The following PNISR variants were observed in gnomAD, a reference collection of about 807,000 sequenced individuals.
The protein encoded by PNISR is arginine/serine-rich protein PNISR.
A neutral mutation model predicts 93.4 loss-of-function variants in PNISR; 20 were observed. That is an observed-to-expected ratio of 0.21 (90% CI 0.15 to 0.31). PNISR has a LOEUF of 0.31. Ranked by LOEUF, PNISR falls within the 10% of genes least tolerant of loss-of-function variation. PNISR has a pLI of 1.00. For missense variants in PNISR, 893 were observed against 985.4 expected (o/e 0.91, Z 1.25); for synonymous variants, 305 against 306.5 (o/e 0.99, Z 0.05).
At chr6:99,409,465 G>A in intron 5 of PNISR, 121 bp from the exon 6 acceptor site, 1 of 793,306 alleles carries the variant, frequency 1.3e-6, no homozygotes, top group African/African-American at 1.7e-5. Flanking sequence ...AGAATTCCAT[G>A]GCTCTAATAT....
intron 6 of PNISR, among the ~76,000 whole-genome samples, chr6:99,408,760 C>G (rs1776471372): frequency 6.6e-6 from 1 of 152,082 alleles, no homozygotes; most frequent in African/African-American, 2.4e-5. Context: ...TGCCAAAATA[C>G]TTAAGGGAAG....
At chr6:99,420,297 C>G (rs183414618) in intron 1 of PNISR, among the ~76,000 whole-genome samples, 1 of 152,088 alleles carries the variant, frequency 6.6e-6, no homozygotes, top group Non-Finnish European at 1.5e-5. Context: ...ATAATCTTAT[C>G]CAAAACAGGT....
At chr6:99,415,361 A>C (rs1274945581) in intron 2 of PNISR, 6 of 152,170 alleles carry the variant, frequency 3.9e-5, no homozygotes. Flanking sequence ...TAAAGAAATG[A>C]GATAAACGGT....
intron 1 of PNISR, among the ~76,000 whole-genome samples, chr6:99,417,110 T>G (rs532695302): frequency 3.3e-5 from 5 of 152,330 alleles, no homozygotes; most frequent in African/African-American, 1.2e-4. Flanking sequence ...TTATCAGAGT[T>G]CAATGCATAA....
At chr6:99,417,965 T>A (rs1242388749) in intron 1 of PNISR, among the ~76,000 whole-genome samples, 1 of 58,014 alleles carries the variant, frequency 1.7e-5, no homozygotes, top group Non-Finnish European at 3.1e-5. Context: ...CGAAACACCA[T>A]CTCAAAAAAA....
chr6:99,415,841 G>A (rs1777616366), intron 2 of PNISR: 3 of 152,182 alleles, frequency 2.0e-5, no homozygotes, highest in Admixed American at 2.0e-4. Flanking sequence ...AACTCTAATA[G>A]GACAATTGGC....
chr6:99,400,528 T>TTA lies in PNISR; in HGVS notation c.*10_*11dup, dbSNP rs1293994194. 1.9e-6 allele frequency: 3 copies of TTA among 1,586,874 alleles called. No individual in the cohort carries two copies. The Admixed American group carries it at 5.8e-5, about 31-fold the overall frequency. ...TTTTTTAAAAATCAGACAAAATACTTTAAAAAGTATACTACCTTGATCGGG... is the reference window on the plus strand; with the variant it reads ...TTTTTTAAAAATCAGACAAAATACTTTATAAAAAGTATACTACCTTGATCGGG... On this transcript the variant is annotated 3_prime_UTR_variant, in exon 12 of 12. Coordinates refer to ENST00000369239, the MANE Select transcript of PNISR (RefSeq NM_032870.4).
chr6:99,420,700 A>G (rs1391739180), intron 1 of PNISR, among the ~76,000 whole-genome samples: 2 of 152,250 alleles, frequency 1.3e-5, no homozygotes, highest in African/African-American at 4.8e-5. Context: ...AATGACATTT[A>G]CAAGTTGGTT....
intron 2 of PNISR, 197 bp from the exon 3 acceptor site, chr6:99,414,887 T>G: frequency 3.0e-6 from 1 of 337,216 alleles, no homozygotes; most frequent in Non-Finnish European, 5.3e-6. Context: ...GTCTCAGAAT[T>G]TGGTGGCAAG....
Position 99,410,867 on chromosome 6 carries a change from G to A in PNISR, c.375C>T (p.Asp125=), listed in dbSNP as rs1475251678. The change falls in exon 5 of 12, where the codon GAC becomes GAT. Residue 125 remains aspartate (D), a synonymous_variant. Coordinates refer to ENST00000369239, the MANE Select transcript of PNISR (RefSeq NM_032870.4). ...ATTCCCCACTGTCCTGACTGTTGCT[G>A]TCTTCAGAAGGAGGAACAATGTCCA... ...GPMDIVPPSE[D]SNSQDSGEFA... 6.2e-7 allele frequency: 1 copy of A among 1,613,918 alleles called. No individual in the cohort carries two copies. Among genetic ancestry groups the A allele is most frequent in the Non-Finnish European group, 8.5e-7 (1 of 1,179,934 alleles).
chr6:99,404,559 CA>C, intron 9 of PNISR, 43 bp downstream of exon 9: 1 of 1,042,506 alleles, frequency 9.6e-7, no homozygotes, highest in Non-Finnish European at 1.5e-6. Flanking sequence ...TCATCAGAAC[CA>C]AAATACCCCA....
intron 8 of PNISR, 30 bp from the exon 9 acceptor site, chr6:99,404,732 T>C (rs1172051304): frequency 9.3e-7 from 1 of 1,070,908 alleles, no homozygotes; most frequent in Non-Finnish European, 1.4e-6. Flanking sequence ...ACAGTATTTC[T>C]AATTATTATA....
rs1777705813 is a variant in PNISR at position 99,416,433 on chromosome 6, G to C, written c.-111-5C>G. On this transcript the variant is annotated splice_region_variant and splice_polypyrimidine_tract_variant and intron_variant, in intron 1 of 11. Coordinates refer to ENST00000369239, the MANE Select transcript of PNISR (RefSeq NM_032870.4). ...AGCAGCAAGATTATGTATGCCCTAG[G>C]GGGAAAAAAAGTAGATGTCTGCTTA... 1.7e-6 allele frequency: 2 copies of C among 1,147,612 alleles called. No individual in the cohort carries two copies. Among genetic ancestry groups the C allele is most frequent in the East Asian group, 3.2e-5 (1 of 31,268 alleles). The allele number at this position is 1,147,612 out of a possible 1,614,324, so 71.1% of individuals were successfully genotyped here. A position where few individuals can be genotyped will look rare whatever the true frequency, so the allele number is the denominator to read the frequency against.
chr6:99,403,374 T>C (rs1374779076), intron 10 of PNISR: 1 of 152,438 alleles, frequency 6.6e-6, no homozygotes, highest in Non-Finnish European at 1.5e-5. Context: ...AGATAAACCC[T>C]TTCCTCTATA....
rs1775259623 is a variant in PNISR, at chr6:99,399,918, A to G, written c.*622T>C. ...TACAAAATTCCAGCTGCCTTTTTAT[A>G]AAAGTACGTTCCTTAGATTAAAACC... On this transcript the variant is annotated 3_prime_UTR_variant, in exon 12 of 12. Coordinates refer to ENST00000369239, the MANE Select transcript of PNISR (RefSeq NM_032870.4). 1 of 152,204 alleles carries G rather than the reference A, an allele frequency of 6.6e-6. No homozygotes were observed. The highest frequency in any genetic ancestry group is 1.9e-4 in the East Asian group (1 of 5,204). 9.4% of individuals were successfully genotyped at this position (152,204 alleles called of 1,614,324 possible). A position where few individuals can be genotyped will look rare whatever the true frequency, so the allele number is the denominator to read the frequency against.
intron 7 of PNISR, among the ~76,000 whole-genome samples, chr6:99,407,813 C>T (rs1562238245): frequency 1.3e-5 from 2 of 152,188 alleles, no homozygotes; most frequent in Admixed American, 1.3e-4. Flanking sequence ...ACCAGGGAGT[C>T]ATCTGTACCA....
rs550846318 is a variant in PNISR, at chr6:99,418,794, T to G, written c.-111-2366A>C. Among the ~76,000 whole-genome samples, 20 of 152,272 alleles carry G rather than the reference T, an allele frequency of 1.3e-4. 1 individual carries two copies. The South Asian group carries it at 3.5e-3, about 27-fold the overall frequency. ...CTGGAGTTGAGAAACTTGATTTAGTTACAGAGGATGACTACTGGATGAGGG... is the reference window on the plus strand; with the variant it reads ...CTGGAGTTGAGAAACTTGATTTAGTGACAGAGGATGACTACTGGATGAGGG... On this transcript the variant is annotated intron_variant, in intron 1 of 11. Coordinates refer to ENST00000369239, the MANE Select transcript of PNISR (RefSeq NM_032870.4).
At position 99,399,395 on chromosome 6, in the gene PNISR, C is replaced by T. The variant is rs1425097894; in HGVS notation, c.*1145G>A. 2 of 152,074 alleles carry T rather than the reference C, an allele frequency of 1.3e-5. No individual in the cohort carries two copies. The highest frequency in any genetic ancestry group is 4.8e-5 in the African/African-American group (2 of 41,412). The allele number at this position is 152,074 out of a possible 1,614,324, so 9.4% of individuals were successfully genotyped here. The stretch of plus-strand genomic sequence containing the variant: ...CAATTTTAATGTCAGGAAATTGACA[C>T]AAACCTGCATAATACAGCATTCCTC... On this transcript the variant is annotated 3_prime_UTR_variant, in exon 12 of 12. Transcript: ENST00000369239.
At chr6:99,407,667 ATGT>A (rs1270290584) in intron 7 of PNISR, among the ~76,000 whole-genome samples, 1 of 152,234 alleles carries the variant, frequency 6.6e-6, no homozygotes, top group African/African-American at 2.4e-5. Context: ...AAGACTTAAA[ATGT>A]TGTTATACTT....
Sources: allele counts gnomAD v4.1 joint callset (sites outside exome capture counted in the v4.1 genomes callset), GRCh38; gene constraint gnomAD v4.1.1; transcripts MANE v1.5; gene names NCBI Gene and HGNC (gene_info 2026-07-23, HGNC 2026-07-21).